The following TMEM164 variants were observed in gnomAD, a reference collection of about 807,000 sequenced individuals.
The protein encoded by TMEM164 is RP13-360B22.2.
Under a neutral mutation model 18.8 loss-of-function variants are expected in TMEM164, and 4 were observed. The ratio of observed to expected loss-of-function variants is 0.21; its 90% CI spans 0.10 to 0.49. The LOEUF (loss-of-function observed/expected upper bound fraction) is 0.49, where lower values mean the gene tolerates loss of function less well. TMEM164 is among the 20% of genes least tolerant of loss of function. The pLI is 0.98. For synonymous variants in TMEM164, 86 were observed against 101.7 expected (o/e 0.85, Z 0.93); for missense variants, 108 against 239.9 (o/e 0.45, Z 3.63).
intron 3 of TMEM164, among the ~76,000 whole-genome samples, chrX:110,092,177 G>A (rs1228171910): frequency 8.9e-6 from 1 of 111,920 alleles, no homozygotes; most frequent in South Asian, 3.7e-4. Context: ...GCTTAGGATT[G>A]TCTTGGCAAT....
At chrX:110,086,487 T>C (rs2065852879) in intron 3 of TMEM164, among the ~76,000 whole-genome samples, 2 of 111,003 alleles carry the variant, frequency 1.8e-5, no homozygotes, top group African/African-American at 6.5e-5. Flanking sequence ...GAAAAAGTTC[T>C]GGAGATAGCT....
chrX:110,067,322 A>T, intron 2 of TMEM164, 25 bp from the exon 3 acceptor site: 1 of 1,205,662 alleles, frequency 8.3e-7, no homozygotes, highest in South Asian at 1.8e-5. Context: ...CTTGCTAACC[A>T]TTCTTAATTC....
intron 2 of TMEM164, among the ~76,000 whole-genome samples, chrX:110,058,230 G>T (rs773365891): frequency 5.5e-5 from 6 of 110,074 alleles, no homozygotes; most frequent in Non-Finnish European, 1.1e-4. Context: ...GTGTATTTTT[G>T]ACCCTCTAAG....
chrX:110,047,352 T>C (rs1473824960), intron 2 of TMEM164, among the ~76,000 whole-genome samples: 1 of 112,355 alleles, frequency 8.9e-6, no homozygotes, highest in Non-Finnish European at 1.9e-5. Flanking sequence ...TAAGAGTTGA[T>C]TGGGCAGAGA....
intron 2 of TMEM164, among the ~76,000 whole-genome samples, chrX:110,038,136 G>A (rs1284725268): frequency 6.5e-5 from 7 of 107,103 alleles, no homozygotes; most frequent in African/African-American, 2.4e-4. Context: ...GACTACAGGC[G>A]CCCGCCACTA....
intron 2 of TMEM164, among the ~76,000 whole-genome samples, chrX:110,057,173 A>T (rs1206890655): frequency 9.0e-6 from 1 of 111,475 alleles, no homozygotes; most frequent in African/African-American, 3.3e-5. Context: ...TTTGACTAAC[A>T]TCTTACTTTC....
rs73250290 is a variant in TMEM164, at chrX:110,139,519, T to G, written c.508-5279T>G. 6.0e-3 allele frequency among the ~76,000 whole-genome samples: 667 copies of G among 111,622 alleles called. 3 individuals carry two copies. The highest frequency in any genetic ancestry group is 0.028 in the Middle Eastern group (6 of 217). ...AGGAGAGTAAATGGTCTTGGGAATA[T>G]AGTGAGATTGTAGAGCAGCATGAAA... On this transcript the variant is annotated intron_variant, in intron 4 of 6. Transcript: ENST00000372068.
chrX:110,181,418 G>A, downstream of TMEM164, among the ~76,000 whole-genome samples: 1 of 112,341 alleles, frequency 8.9e-6, no homozygotes. Flanking sequence ...AGCGGGGGAT[G>A]CATCGGAGTA....
intron 4 of TMEM164, among the ~76,000 whole-genome samples, chrX:110,127,034 C>T (rs1016648310): frequency 9.0e-6 from 1 of 111,122 alleles, no homozygotes; most frequent in African/African-American, 3.3e-5. Context: ...GGTCTCCAAA[C>T]TAGGCCAGAG....
intron 2 of TMEM164, among the ~76,000 whole-genome samples, chrX:110,031,136 A>T (rs2147754212): frequency 9.0e-6 from 1 of 111,219 alleles, no homozygotes; most frequent in East Asian, 2.8e-4. Flanking sequence ...ACTCCCACTT[A>T]TGAGTGAGAA....
At chrX:110,086,217 G>GA (rs1305766965) in intron 3 of TMEM164, among the ~76,000 whole-genome samples, 1 of 112,032 alleles carries the variant, frequency 8.9e-6, no homozygotes, top group Non-Finnish European at 1.9e-5. Flanking sequence ...GGGAAATTGA[G>GA]AGAGGCTATG....
chrX:110,102,116 A>G (rs1234361047), intron 3 of TMEM164, among the ~76,000 whole-genome samples: 2 of 104,149 alleles, frequency 1.9e-5, no homozygotes, highest in Non-Finnish European at 3.9e-5. Flanking sequence ...GCTTGAGGCC[A>G]GGAGATCAAG....
At chrX:110,021,865 T>G (rs1933890054) in intron 2 of TMEM164, among the ~76,000 whole-genome samples, 1 of 112,094 alleles carries the variant, frequency 8.9e-6, no homozygotes, top group Admixed American at 9.4e-5. Flanking sequence ...AATAGTCTGG[T>G]GAGTGACTGA....
chrX:110,140,261 A>G (rs903972758), intron 4 of TMEM164, among the ~76,000 whole-genome samples: 2 of 111,633 alleles, frequency 1.8e-5, no homozygotes, highest in East Asian at 5.7e-4. Flanking sequence ...GCAAGGAGGC[A>G]GAGAGAATGG....
intron 5 of TMEM164, among the ~76,000 whole-genome samples, chrX:110,161,946 TA>T (rs1439276862): frequency 8.9e-6 from 1 of 112,578 alleles, no homozygotes; most frequent in Non-Finnish European, 1.9e-5. Flanking sequence ...GGGAACCTGT[TA>T]TTAATAAAAA....
chrX:110,133,443 G>T (rs187553112), intron 4 of TMEM164, among the ~76,000 whole-genome samples: 31 of 112,048 alleles, frequency 2.8e-4, no homozygotes, highest in African/African-American at 9.7e-4. Context: ...GAGCCACCGC[G>T]CCCTGGACTG....
chrX:110,100,454 C>T (rs971036425), intron 3 of TMEM164, among the ~76,000 whole-genome samples: 2 of 111,806 alleles, frequency 1.8e-5, no homozygotes, highest in Non-Finnish European at 3.8e-5. Flanking sequence ...GATATGATCA[C>T]GTACTTTTTA....
chrX:110,121,734 C>T (rs933596121), intron 4 of TMEM164, among the ~76,000 whole-genome samples: 3 of 112,083 alleles, frequency 2.7e-5, no homozygotes, highest in African/African-American at 6.5e-5. Flanking sequence ...AATGATAACT[C>T]AGTGTTTAAA....
chrX:110,106,266 C>T (rs1223793748), intron 3 of TMEM164, among the ~76,000 whole-genome samples: 1 of 111,247 alleles, frequency 9.0e-6, no homozygotes, highest in Non-Finnish European at 1.9e-5. Flanking sequence ...CTGATCAGTT[C>T]CATCAACCTC....
Sources: allele counts gnomAD v4.1 joint callset (sites outside exome capture counted in the v4.1 genomes callset), GRCh38; gene constraint gnomAD v4.1.1; transcripts MANE v1.5; gene names NCBI Gene and HGNC (gene_info 2026-07-23, HGNC 2026-07-21).